Variants in PBX3 observed in about 807,000 individuals in gnomAD.
The protein encoded by PBX3 is pre-B-cell leukemia transcription factor 3.
In PBX3, 14 loss-of-function variants were observed where a neutral mutation model predicts 48.5. The ratio of observed to expected loss-of-function variants is 0.29; its 90% CI spans 0.19 to 0.45. The LOEUF is 0.45. Ranked by LOEUF, PBX3 falls within the 20% of genes least tolerant of loss-of-function variation. The pLI, the probability that PBX3 is intolerant of heterozygous loss-of-function variation, is 1.00. For synonymous variants in PBX3, 210 were observed against 200.3 expected (o/e 1.05, Z -0.41); for missense variants, 386 against 546.7 (o/e 0.71, Z 2.93).
intron 2 of PBX3, among the ~76,000 whole-genome samples, chr9:125,761,897 A>AT (rs2131977428): frequency 1.3e-5 from 2 of 152,280 alleles, no homozygotes; most frequent in South Asian, 4.1e-4. Flanking sequence ...CTATTTATAG[A>AT]TCCCCATTTC....
intron 2 of PBX3, among the ~76,000 whole-genome samples, chr9:125,769,941 C>T (rs1278850126): frequency 1.3e-5 from 2 of 151,908 alleles, no homozygotes; most frequent in Non-Finnish European, 2.9e-5. Flanking sequence ...TATTTAAGCT[C>T]AACTGGTTAT....
rs1415420967 is a variant in PBX3, at chr9:125,792,256, A to G, written c.274+43633A>G. The stretch of plus-strand genomic sequence containing the variant: ...TTGAGCTGGGTCACAAAGGACAGAA[A>G]AAAGACCTTTTTGGTAGAGGAAACA... On this transcript the variant is annotated intron_variant, in intron 2 of 8. Coordinates refer to ENST00000373489, the MANE Select transcript of PBX3 (RefSeq NM_006195.6). Among the ~76,000 whole-genome samples the G allele has an allele frequency of 2.6e-5, 4 of 152,208 alleles. No individual in the cohort carries two copies. The South Asian group carries it at 8.3e-4, about 31-fold the overall frequency.
intron 2 of PBX3, among the ~76,000 whole-genome samples, chr9:125,788,832 G>A (rs1182896605): frequency 4.7e-5 from 7 of 150,370 alleles, no homozygotes; most frequent in Admixed American, 3.3e-4. Context: ...CCCAGATTGC[G>A]CCACTGCACC....
At chr9:125,862,044 T>G (rs975038846) in intron 2 of PBX3, among the ~76,000 whole-genome samples, 1 of 152,338 alleles carries the variant, frequency 6.6e-6, no homozygotes, top group African/African-American at 2.4e-5. Flanking sequence ...GATACTAAAA[T>G]GCACTTTAAA....
At chr9:125,822,616 C>G (rs1436503346) in intron 2 of PBX3, among the ~76,000 whole-genome samples, 1 of 152,122 alleles carries the variant, frequency 6.6e-6, no homozygotes, top group African/African-American at 2.4e-5. Context: ...TCAGACTACA[C>G]TATTTTTATA....
intron 2 of PBX3, among the ~76,000 whole-genome samples, chr9:125,861,319 A>AATAATG (rs1165410745): frequency 6.6e-6 from 1 of 151,988 alleles, no homozygotes; most frequent in East Asian, 1.9e-4. Context: ...TAATAATAAT[A>AATAATG]ATAATGATAA....
In PBX3 at chr9:125,802,771, C is replaced by G. The variant is rs540094590; in HGVS notation, c.274+54148C>G. 9.9e-5 allele frequency among the ~76,000 whole-genome samples: 15 copies of G among 150,958 alleles called. No homozygotes were observed. In the South Asian group the frequency reaches 2.9e-3, roughly 30 times the overall value. ...TCGGCTCAGTGCAACCTCCGCCTCCCGGGTTCAAGCAATTCTCCTGCTTCA... is the reference window on the plus strand; with the variant it reads ...TCGGCTCAGTGCAACCTCCGCCTCCGGGGTTCAAGCAATTCTCCTGCTTCA... On this transcript the variant is annotated intron_variant, in intron 2 of 8. Coordinates refer to ENST00000373489, the MANE Select transcript of PBX3 (RefSeq NM_006195.6).
chr9:125,923,629 G>A (rs1269434400), intron 3 of PBX3, among the ~76,000 whole-genome samples: 1 of 152,120 alleles, frequency 6.6e-6, no homozygotes, highest in Admixed American at 6.6e-5. Flanking sequence ...ACAGTGGGGC[G>A]AACATGGCTC....
At chr9:125,878,125 T>C (rs1162658392) in intron 2 of PBX3, among the ~76,000 whole-genome samples, 1 of 152,240 alleles carries the variant, frequency 6.6e-6, no homozygotes, top group Non-Finnish European at 1.5e-5. Context: ...ATGGAATCTC[T>C]TTTATCAAAG....
intron 2 of PBX3, among the ~76,000 whole-genome samples, chr9:125,802,184 A>G (rs1168437716): frequency 2.0e-5 from 3 of 152,044 alleles, no homozygotes; most frequent in African/African-American, 7.2e-5. Flanking sequence ...ATATTGCGTG[A>G]TGCTGAGGTT....
intron 2 of PBX3, among the ~76,000 whole-genome samples, chr9:125,795,113 A>G (rs1292091325): frequency 2.6e-5 from 4 of 152,352 alleles, no homozygotes; most frequent in South Asian, 4.1e-4. Context: ...TACAGGCTCC[A>G]TTATAATTCT....
intron 4 of PBX3, among the ~76,000 whole-genome samples, 166 bp from the exon 5 acceptor site, chr9:125,935,306 C>T (rs575897710): frequency 6.6e-6 from 1 of 152,090 alleles, no homozygotes; most frequent in African/African-American, 2.4e-5. Flanking sequence ...TTGGATAATG[C>T]CTTGGAGGAT....
chr9:125,784,667 C>T (rs1226285931), intron 2 of PBX3, among the ~76,000 whole-genome samples: 1 of 151,914 alleles, frequency 6.6e-6, no homozygotes, highest in Admixed American at 6.6e-5. Flanking sequence ...TAGGGATTTC[C>T]TTGAATGCCA....
chr9:125,784,011 A>C (rs1837394667), intron 2 of PBX3, among the ~76,000 whole-genome samples: 1 of 152,148 alleles, frequency 6.6e-6, no homozygotes, highest in Non-Finnish European at 1.5e-5. Flanking sequence ...AAAAGAAAAA[A>C]ACAAACAAAA....
chr9:125,945,826 A>G (rs1366823835), intron 5 of PBX3, among the ~76,000 whole-genome samples: 2 of 152,226 alleles, frequency 1.3e-5, no homozygotes, highest in African/African-American at 4.8e-5. Context: ...AGAAAGGTCA[A>G]GGTTAAAGAT....
chr9:125,833,667 T>C (rs559175501), intron 2 of PBX3, among the ~76,000 whole-genome samples: 1 of 152,302 alleles, frequency 6.6e-6, no homozygotes, highest in East Asian at 1.9e-4. Context: ...TCTGTGTTTT[T>C]CCCTATTTAG....
intron 2 of PBX3, among the ~76,000 whole-genome samples, chr9:125,786,724 G>C (rs2132050952): frequency 6.6e-6 from 1 of 151,044 alleles, no homozygotes; most frequent in East Asian, 1.9e-4. Context: ...TAAGTATGTA[G>C]AGATTTTTTT....
At chr9:125,842,033 A>G (rs1184137450) in intron 2 of PBX3, among the ~76,000 whole-genome samples, 2 of 152,196 alleles carry the variant, frequency 1.3e-5, no homozygotes, top group Admixed American at 6.6e-5. Flanking sequence ...AGCATGGATT[A>G]TATTGTCTCT....
intron 2 of PBX3, among the ~76,000 whole-genome samples, chr9:125,827,782 C>A (rs1287572474): frequency 1.3e-5 from 2 of 152,120 alleles, no homozygotes; most frequent in African/African-American, 4.8e-5. Flanking sequence ...CATGCTTGTA[C>A]ACATATTTTT....
Sources: allele counts gnomAD v4.1 joint callset (sites outside exome capture counted in the v4.1 genomes callset), GRCh38; gene constraint gnomAD v4.1.1; transcripts MANE v1.5; gene names NCBI Gene and HGNC (gene_info 2026-07-23, HGNC 2026-07-21).